Variants in ZHX2 observed in about 807,000 individuals in gnomAD.
ZHX2 encodes zinc fingers and homeoboxes protein 2.
A neutral mutation model predicts 21.9 loss-of-function variants in ZHX2; 6 were observed. The ratio of observed to expected loss-of-function variants is 0.27; its 90% confidence interval spans 0.15 to 0.54. The LOEUF is 0.54. Ranked by LOEUF, ZHX2 falls within the 20% of genes least tolerant of loss-of-function variation. The pLI is 0.95. For synonymous variants in ZHX2, 434 were observed against 437.1 expected, an observed-to-expected ratio of 0.99 and a Z score of 0.09; for missense variants, 908 against 1,090.7, an observed-to-expected ratio of 0.83 and a Z score of 2.36.
intron 3 of ZHX2, among the ~76,000 whole-genome samples, chr8:122,960,356 G>A (rs1300771285): frequency 2.0e-5 from 3 of 151,996 alleles, no homozygotes; most frequent in Non-Finnish European, 1.5e-5. Flanking sequence ...TGGCCAACAT[G>A]GTGAAACCCT....
At chr8:122,849,965 T>C (rs1408933300) in intron 1 of ZHX2, among the ~76,000 whole-genome samples, 1 of 152,216 alleles carries the variant, frequency 6.6e-6, no homozygotes, top group Admixed American at 6.5e-5. Flanking sequence ...ATCATCACCA[T>C]CATCATAGCC....
At chr8:122,939,627 A>G (rs1812792923) in intron 2 of ZHX2, among the ~76,000 whole-genome samples, 1 of 152,196 alleles carries the variant, frequency 6.6e-6, no homozygotes, top group Non-Finnish European at 1.5e-5. Context: ...AGATGCTTGG[A>G]GATGGAAAAG....
At chr8:122,948,589 A>C (rs1813033948) in intron 2 of ZHX2, among the ~76,000 whole-genome samples, 2 of 152,218 alleles carry the variant, frequency 1.3e-5, no homozygotes, top group South Asian at 4.1e-4. Flanking sequence ...TACTCTAAAC[A>C]TACAAAAGTT....
chr8:122,943,123 G>C (rs531953219), intron 2 of ZHX2, among the ~76,000 whole-genome samples: 2 of 152,098 alleles, frequency 1.3e-5, no homozygotes, highest in Non-Finnish European at 2.9e-5. Flanking sequence ...TTAGCCAGGC[G>C]TGGTGGCACA....
chr8:122,904,053 T>C (rs1409811667), intron 2 of ZHX2, among the ~76,000 whole-genome samples: 1 of 152,070 alleles, frequency 6.6e-6, no homozygotes, highest in Non-Finnish European at 1.5e-5. Flanking sequence ...GGTGGTGAGT[T>C]CTCTGGGTTT....
intron 3 of ZHX2, among the ~76,000 whole-genome samples, chr8:122,957,660 G>T (rs1320888217): frequency 6.6e-6 from 1 of 152,114 alleles, no homozygotes; most frequent in East Asian, 1.9e-4. Context: ...TAGTAGAGGT[G>T]GGGTTTCACC....
chr8:122,802,092 C>G (rs1338586120), intron 1 of ZHX2, among the ~76,000 whole-genome samples: 1 of 152,084 alleles, frequency 6.6e-6, no homozygotes, highest in East Asian at 1.9e-4. Context: ...TTGACAGAGT[C>G]TGACTCTGTC....
chr8:122,855,562 A>G lies in ZHX2; in HGVS notation c.-282-7915A>G, dbSNP rs1349919968. 2.6e-5 allele frequency among the ~76,000 whole-genome samples: 4 copies of G among 152,020 alleles called. No homozygotes were observed. The East Asian group carries it at 7.7e-4, about 29-fold the overall frequency. ...TGGCCACATTAAGTGCTCTTACTCA[A>G]TTCATGTGACTTGACAAATTTGGAA... On this transcript the variant is annotated intron_variant, in intron 1 of 3. Coordinates refer to ENST00000314393, the MANE Select transcript of ZHX2 (RefSeq NM_014943.5).
chr8:122,832,769 C>A (rs531860533), intron 1 of ZHX2, among the ~76,000 whole-genome samples: 31 of 151,984 alleles, frequency 2.0e-4, no homozygotes, highest in Non-Finnish European at 3.7e-4. Context: ...GGTTGTGAGC[C>A]CTCGGGTTTG....
chr8:122,830,544 T>G (rs1436177345), intron 1 of ZHX2, among the ~76,000 whole-genome samples: 2 of 152,154 alleles, frequency 1.3e-5, no homozygotes, highest in African/African-American at 2.4e-5. Flanking sequence ...AAAGAAAACC[T>G]TAATTTTTAG....
intron 2 of ZHX2, among the ~76,000 whole-genome samples, chr8:122,930,310 G>A (rs758811611): frequency 2.0e-5 from 3 of 152,206 alleles, no homozygotes; most frequent in Non-Finnish European, 2.9e-5. Flanking sequence ...AAAGGAACAA[G>A]CAGCCTGGTG....
chr8:122,916,097 C>T (rs1337220146), intron 2 of ZHX2, among the ~76,000 whole-genome samples: 1 of 152,232 alleles, frequency 6.6e-6, no homozygotes, highest in Non-Finnish European at 1.5e-5. Flanking sequence ...CCTTGAAGTG[C>T]AAATGGCAGG....
At position 122,951,476 on chromosome 8, in the gene ZHX2, C is replaced by T; in HGVS notation, c.-35C>T. On this transcript the variant is annotated 5_prime_UTR_variant, in exon 3 of 4. Coordinates refer to ENST00000314393, the MANE Select transcript of ZHX2 (RefSeq NM_014943.5). ...ATCTCACCGCCCCCTCCTTATCCCC[C>T]TCCAAAAATAAGCCATTGCACACAG... 1.3e-6 allele frequency: 2 copies of T among 1,570,672 alleles called. No individual in the cohort carries two copies. The highest frequency in any genetic ancestry group is 1.7e-6 in the Non-Finnish European group (2 of 1,151,988).
In ZHX2 at chr8:122,843,959, T is replaced by TCACACACACACACACACACACA. The variant is rs3221811; in HGVS notation, c.-282-19507_-282-19486dup. Among the ~76,000 whole-genome samples the TCACACACACACACACACACACA allele has an allele frequency of 4.5e-4, 67 of 148,936 alleles. 1 individual carries two copies. The highest frequency in any genetic ancestry group is 3.4e-3 in the Middle Eastern group (1 of 290). On this transcript the variant is annotated intron_variant, in intron 1 of 3. Transcript: ENST00000314393. ...ACACTTCGCTTTTTGTTCTCACCCT[T>TCACACACACACACACACACACA]CACACACACACACACACACACACAC...
At chr8:122,948,642 C>T (rs1036385993) in intron 2 of ZHX2, among the ~76,000 whole-genome samples, 3 of 152,074 alleles carry the variant, frequency 2.0e-5, no homozygotes, top group Non-Finnish European at 2.9e-5. Context: ...ACAGCTAGAT[C>T]GATACACAGA....
At chr8:122,824,838 C>T (rs1201723872) in intron 1 of ZHX2, among the ~76,000 whole-genome samples, 2 of 152,214 alleles carry the variant, frequency 1.3e-5, no homozygotes, top group Non-Finnish European at 2.9e-5. Flanking sequence ...AGGGCTGTTC[C>T]TTCTGGAGGC....
At chr8:122,879,966 T>C (rs1290151763) in intron 2 of ZHX2, among the ~76,000 whole-genome samples, 1 of 142,436 alleles carries the variant, frequency 7.0e-6, no homozygotes, top group Non-Finnish European at 1.5e-5. Flanking sequence ...GAGGTTCTAT[T>C]GTTACCTTTT....
rs575404348 is a variant in ZHX2 at position 122,952,095 on chromosome 8, T to A, written c.585T>A (p.Asp195Glu). 59 of 1,613,230 alleles carry A rather than the reference T, an allele frequency of 3.7e-5. No individual in the cohort carries two copies. In the East Asian group the frequency reaches 7.4e-4, roughly 20 times the overall value. The part of the protein sequence containing the change: ...PIMKPGKPKA[D>E]AKKVPKKPEE... ...TGAAGCCTGGAAAACCAAAAGCGGA[T>A]GCCAAGAAGGTGCCCAAGAAGCCCG... is the stretch of plus-strand genomic sequence containing the variant. The change falls in exon 3 of 4, where the codon GAT becomes GAA. Residue 195 changes from aspartate (D) to glutamate (E), a missense_variant. By Grantham distance (45) the Asp-to-Glu change is conservative. Around this residue, in one of 4 missense-constraint regions of ZHX2, gnomAD observed 220 missense variants for 251.4 expected, o/e 0.88. Transcript: ENST00000314393. The surrounding 1 kb of genome is among the most constrained non-coding windows in gnomAD (Gnocchi z 6.9).
chr8:122,805,763 C>T (rs4871308), intron 1 of ZHX2, among the ~76,000 whole-genome samples: 16,365 of 152,248 alleles, frequency 0.11, 1,079 homozygotes, highest in Admixed American at 0.21. Context: ...CTCAGCCCAG[C>T]AGTTGTGGCT....
Sources: gnomAD v4.1 joint callset for allele counts (sites outside exome capture counted in the v4.1 genomes callset) on GRCh38, gnomAD v4.1.1 for gene constraint, gnomAD v4.1.1 regional missense constraint, Gnocchi (gnomAD v3.1) non-coding constraint, MANE v1.5 for transcripts, NCBI Gene and HGNC (gene_info 2026-07-23, HGNC 2026-07-21) for gene names.